PLD5: variants seen among roughly 807,000 people sequenced by gnomAD.
The protein encoded by PLD5 is inactive phospholipase D5.
PLD5 carries 36 observed loss-of-function variants against 61.1 expected under a neutral mutation model. That is an observed-to-expected ratio of 0.59 (90% CI 0.45 to 0.78). The LOEUF is 0.78. PLD5 is among the 30% of genes least tolerant of loss of function. The pLI is 0.00. For missense variants in PLD5, 515 were observed against 644.4 expected (o/e 0.80, Z 2.17); for synonymous variants, 243 against 242.8 (o/e 1.00, Z -0.01).
chr1:242,456,640 T>C (rs1666953214), intron 1 of PLD5, among the ~76,000 whole-genome samples: 2 of 152,224 alleles, frequency 1.3e-5, no homozygotes, highest in South Asian at 4.1e-4. Flanking sequence ...TGATGGTCTA[T>C]ATCAGAGACT....
At chr1:242,110,979 C>A (rs1278545404) in intron 7 of PLD5, among the ~76,000 whole-genome samples, 1 of 151,874 alleles carries the variant, frequency 6.6e-6, no homozygotes, top group African/African-American at 2.4e-5. Flanking sequence ...CAACCCCAAA[C>A]TGAGACCTAA....
intron 1 of PLD5, among the ~76,000 whole-genome samples, chr1:242,424,960 C>T (rs1350664015): frequency 2.0e-5 from 3 of 152,046 alleles, no homozygotes; most frequent in South Asian, 2.1e-4. Flanking sequence ...GGTGAAACCT[C>T]GTCTGTACTA....
At chr1:242,355,853 C>T (rs1174314533) in intron 1 of PLD5, among the ~76,000 whole-genome samples, 4 of 152,048 alleles carry the variant, frequency 2.6e-5, no homozygotes, top group Non-Finnish European at 5.9e-5. Flanking sequence ...GATCAACTGG[C>T]TATTCAGGAG....
chr1:242,506,713 T>C (rs1013575351), intron 1 of PLD5, among the ~76,000 whole-genome samples: 4 of 152,076 alleles, frequency 2.6e-5, no homozygotes, highest in Non-Finnish European at 5.9e-5. Context: ...AAACCTCAAG[T>C]CGCTGGAAAC....
chr1:242,346,272 G>T (rs1307702157), intron 2 of PLD5, among the ~76,000 whole-genome samples: 2 of 151,264 alleles, frequency 1.3e-5, no homozygotes, highest in Admixed American at 1.3e-4. Flanking sequence ...CTTCCTCCAA[G>T]TGAAAAAAAA....
At chr1:242,334,473 C>T (rs533609982) in intron 2 of PLD5, among the ~76,000 whole-genome samples, 10 of 152,086 alleles carry the variant, frequency 6.6e-5, no homozygotes, top group Non-Finnish European at 1.0e-4. Flanking sequence ...CAGGAAACGC[C>T]GTGATATGAG....
intron 1 of PLD5, among the ~76,000 whole-genome samples, chr1:242,448,801 C>G (rs1666657297): frequency 6.6e-6 from 1 of 152,120 alleles, no homozygotes; most frequent in Non-Finnish European, 1.5e-5. Flanking sequence ...TCTTTGAAAA[C>G]TTGGGCTCCT....
chr1:242,424,075 A>T (rs904499520), intron 1 of PLD5, among the ~76,000 whole-genome samples: 2 of 152,144 alleles, frequency 1.3e-5, no homozygotes, highest in African/African-American at 4.8e-5. Context: ...CCGTGGCTGG[A>T]CTCTGCTCAG....
intron 2 of PLD5, among the ~76,000 whole-genome samples, chr1:242,293,251 TGGA>T (rs1196756905): frequency 2.0e-5 from 3 of 152,082 alleles, no homozygotes; most frequent in African/African-American, 7.2e-5. Flanking sequence ...CTGGAGATAT[TGGA>T]GGAGGAGGAG....
intron 5 of PLD5, among the ~76,000 whole-genome samples, chr1:242,208,886 C>G (rs1192643035): frequency 6.6e-6 from 1 of 152,206 alleles, no homozygotes; most frequent in Non-Finnish European, 1.5e-5. Flanking sequence ...AGGGCTATTC[C>G]TGTTTGTTCT....
chr1:242,136,351 A>T (rs1399790182), intron 5 of PLD5, among the ~76,000 whole-genome samples: 1 of 152,028 alleles, frequency 6.6e-6, no homozygotes, highest in African/African-American at 2.4e-5. Flanking sequence ...GGTGACATCG[A>T]CCTTTGTGCT....
Position 242,423,103 on chromosome 1 carries a change from G to A in PLD5, c.190-74861C>T, listed in dbSNP as rs551991994. On this transcript the variant is annotated intron_variant, in intron 1 of 9. Coordinates refer to ENST00000536534, the MANE Select transcript of PLD5 (RefSeq NM_001372062.1). ...TGGGCTCAAGCAATCCTCCTGCCTC[G>A]ACCTCCCAAAATGCTGAGATTACAG... 3.9e-5 allele frequency among the ~76,000 whole-genome samples: 6 copies of A among 151,940 alleles called. No individual in the cohort carries two copies. The East Asian group carries it at 5.8e-4, about 15-fold the overall frequency.
chr1:242,489,377 A>T (rs1668066862), intron 1 of PLD5, among the ~76,000 whole-genome samples: 2 of 59,306 alleles, frequency 3.4e-5, no homozygotes, highest in Admixed American at 2.3e-4. Context: ...CATTTGATTA[A>T]AAAAAAAAAC....
intron 1 of PLD5, among the ~76,000 whole-genome samples, chr1:242,456,979 A>G (rs1291758293): frequency 1.3e-5 from 2 of 152,242 alleles, no homozygotes; most frequent in East Asian, 1.9e-4. Flanking sequence ...ATGATAAAAC[A>G]TGACAAAAGC....
At chr1:242,347,326 C>T (rs908891452) in intron 2 of PLD5, among the ~76,000 whole-genome samples, 14 of 152,108 alleles carry the variant, frequency 9.2e-5, no homozygotes, top group Admixed American at 7.9e-4. Context: ...TTATTATAAG[C>T]TCTAATTCAT....
At chr1:242,468,157 C>T (rs1667332489) in intron 1 of PLD5, among the ~76,000 whole-genome samples, 1 of 152,104 alleles carries the variant, frequency 6.6e-6, no homozygotes, top group Non-Finnish European at 1.5e-5. Context: ...CAAAACAACT[C>T]ACATCCCCAA....
Position 242,089,718 on chromosome 1 carries a change from G to A in PLD5, c.*136C>T, listed in dbSNP as rs1018396871. 1.2e-5 allele frequency: 13 copies of A among 1,113,200 alleles called. No individual in the cohort carries two copies. The highest frequency in any genetic ancestry group is 1.7e-5 in the Non-Finnish European group (13 of 768,746). The allele number at this position is 1,113,200 out of a possible 1,614,324, so 69.0% of individuals were successfully genotyped here. ...TAAGATATTGTTAGATAGGTATTAT[G>A]TGTTGTTCAGAGAATATTTTTTATA... On this transcript the variant is annotated 3_prime_UTR_variant, in exon 10 of 10. Coordinates refer to ENST00000536534, the MANE Select transcript of PLD5 (RefSeq NM_001372062.1).
At chr1:242,392,601 C>G (rs1441968892) in intron 1 of PLD5, among the ~76,000 whole-genome samples, 2 of 152,144 alleles carry the variant, frequency 1.3e-5, no homozygotes, top group African/African-American at 2.4e-5. Flanking sequence ...AAAAACCTGT[C>G]TGGATGGGAC....
At position 242,089,738 on chromosome 1, in the gene PLD5, T is replaced by C. The variant is rs1659666991; in HGVS notation, c.*116A>G. On this transcript the variant is annotated 3_prime_UTR_variant, in exon 10 of 10. Coordinates refer to ENST00000536534, the MANE Select transcript of PLD5 (RefSeq NM_001372062.1). Reference sequence around the variant, plus strand: ...ATTATGTGTTGTTCAGAGAATATTTTTTATAAGTGTGCTTTTTCCCTAAAA... The same window carrying C: ...ATTATGTGTTGTTCAGAGAATATTTCTTATAAGTGTGCTTTTTCCCTAAAA... 2 of 1,339,594 alleles carry C rather than the reference T, an allele frequency of 1.5e-6. No individual in the cohort carries two copies. The highest frequency in any genetic ancestry group is 2.1e-6 in the Non-Finnish European group (2 of 964,048). The allele number at this position is 1,339,594 out of a possible 1,614,324, so 83.0% of individuals were successfully genotyped here. A position where few individuals can be genotyped will look rare whatever the true frequency, so the allele number is the denominator to read the frequency against.
Sources: gnomAD v4.1 joint callset for allele counts (sites outside exome capture counted in the v4.1 genomes callset) on GRCh38, gnomAD v4.1.1 for gene constraint, MANE v1.5 for transcripts, NCBI Gene and HGNC (gene_info 2026-07-23, HGNC 2026-07-21) for gene names.